Variants in AP2B1 observed in about 807,000 individuals in gnomAD.
The protein encoded by AP2B1 is adaptor related protein complex 2 subunit beta 1.
In AP2B1, 23 loss-of-function variants were observed where a neutral mutation model predicts 102.0. The observed-to-expected ratio is 0.23, with a 90% confidence interval of 0.16 to 0.32. The LOEUF (loss-of-function observed/expected upper bound fraction) is 0.32, where lower values mean the gene tolerates loss of function less well. AP2B1 is among the 10% of genes least tolerant of loss of function. AP2B1 has a pLI of 1.00. For synonymous variants in AP2B1, 381 were observed against 421.2 expected (o/e 0.90, Z 1.17); for missense variants, 541 against 1,157.4 (o/e 0.47, Z 7.73).
chr17:35,693,918 G>A (rs1049666745), intron 18 of AP2B1, among the ~76,000 whole-genome samples: 13 of 152,174 alleles, frequency 8.5e-5, no homozygotes, highest in African/African-American at 2.9e-4. Flanking sequence ...TTTTGTCCAC[G>A]TAAGGTTGTA....
In AP2B1 at chr17:35,627,444, A is replaced by G. The variant is rs373073122; in HGVS notation, c.998A>G (p.Tyr333Cys). The G allele has an allele frequency of 5.6e-6, 9 of 1,613,868 alleles. No individual in the cohort carries two copies. The highest frequency in any genetic ancestry group is 1.3e-5 in the African/African-American group (1 of 74,878). The change falls in exon 8 of 22, where the codon TAT becomes TGT. Residue 333 changes from tyrosine to cysteine, a missense_variant. Transcript: ENST00000610402. ...VFFVKYNDPI[Y>C]VKLEKLDIMI... Reference sequence around the variant, plus strand: ...TTTGTGAAGTACAATGATCCCATCTATGTTAAACTAGAGAAGTTGGACATC... The same window carrying G: ...TTTGTGAAGTACAATGATCCCATCTGTGTTAAACTAGAGAAGTTGGACATC...
chr17:35,642,122 C>T, intron 12 of AP2B1, 147 bp downstream of exon 12: 2 of 553,074 alleles, frequency 3.6e-6, no homozygotes, highest in Non-Finnish European at 6.5e-6. Context: ...AAAACAATGC[C>T]TTTTTACGTG....
intron 13 of AP2B1, among the ~76,000 whole-genome samples, chr17:35,654,722 A>C (rs935147121): frequency 1.3e-5 from 2 of 152,098 alleles, no homozygotes. Context: ...TCTCGTTTAG[A>C]GTTTATTTAA....
At position 35,627,495 on chromosome 17, in the gene AP2B1, A is replaced by T; in HGVS notation, c.1049A>T (p.Asn350Ile). The T allele has an allele frequency of 6.2e-7, 1 of 1,614,080 alleles. No individual in the cohort carries two copies. The highest frequency in any genetic ancestry group is 8.5e-7 in the Non-Finnish European group (1 of 1,180,006). ...DIMIRLASQA[N>I]IAQVLAELKE... ...ATGATTCGTTTGGCATCTCAAGCCA[A>T]CATTGCTCAGGTCAGACTTTATGCA... Residue 350 changes from asparagine (N) to isoleucine (I), a missense_variant, in exon 8 of 22, where the codon AAC becomes ATC. By Grantham distance (149) the Asn-to-Ile change is moderately radical. Around this residue, in one of 10 missense-constraint regions of AP2B1, gnomAD observed 134 missense variants for 250.2 expected, o/e 0.54. Transcript: ENST00000610402.
In AP2B1 at chr17:35,726,083, G is replaced by GGGATGGAGGTTGCCCTGCATCCCCCC. The variant is rs1555595241; in HGVS notation, c.*2385_*2410dup. ...CCAAGCTTGGCCAAATTGGGGAAGTGGGATGGAGGTTGCCCTGCATCCCCC... is the reference window on the plus strand; with the variant it reads ...CCAAGCTTGGCCAAATTGGGGAAGTGGGATGGAGGTTGCCCTGCATCCCCCCGGATGGAGGTTGCCCTGCATCCCCC... On this transcript the variant is annotated 3_prime_UTR_variant, in exon 22 of 22. Transcript: ENST00000610402. 2 of 152,182 alleles carry GGGATGGAGGTTGCCCTGCATCCCCCC rather than the reference G, an allele frequency of 1.3e-5. No individual in the cohort carries two copies. Among genetic ancestry groups the GGGATGGAGGTTGCCCTGCATCCCCCC allele is most frequent in the Non-Finnish European group, 2.9e-5 (2 of 68,054 alleles). The allele number at this position is 152,182 out of a possible 1,614,324, so 9.4% of individuals were successfully genotyped here. A position where few individuals can be genotyped will look rare whatever the true frequency, so the allele number is the denominator to read the frequency against.
chr17:35,640,239 T>A (rs200958337), intron 11 of AP2B1, among the ~76,000 whole-genome samples: 13 of 38,904 alleles, frequency 3.3e-4, no homozygotes, highest in African/African-American at 1.4e-3. Flanking sequence ...TTTTTTTTTT[T>A]TTTTTTTTTT....
At chr17:35,667,332 C>T (rs2142933304) in intron 14 of AP2B1, among the ~76,000 whole-genome samples, 1 of 152,274 alleles carries the variant, frequency 6.6e-6, no homozygotes, top group Middle Eastern at 3.4e-3. Context: ...TTGTCCTTTC[C>T]CTTTGCTCTC....
At chr17:35,643,812 C>T (rs1380801507) in intron 12 of AP2B1, among the ~76,000 whole-genome samples, 1 of 152,148 alleles carries the variant, frequency 6.6e-6, no homozygotes, top group Non-Finnish European at 1.5e-5. Flanking sequence ...AGAGTCATTA[C>T]TTACTTCATT....
chr17:35,709,378 C>A, intron 19 of AP2B1, 70 bp downstream of exon 19: 1 of 1,339,060 alleles, frequency 7.5e-7, no homozygotes, highest in Non-Finnish European at 1.1e-6. Flanking sequence ...CAGAGCATAG[C>A]CCCAGAAGTT....
chr17:35,664,070 C>T (rs1159410310), intron 14 of AP2B1, among the ~76,000 whole-genome samples: 1 of 151,986 alleles, frequency 6.6e-6, no homozygotes, highest in Non-Finnish European at 1.5e-5. Context: ...ATTTTATTTT[C>T]ATTTAAGTAA....
At chr17:35,650,496 C>T (rs373450956) in intron 12 of AP2B1, 34 bp from the exon 13 acceptor site, 173 of 1,604,538 alleles carry the variant, frequency 1.1e-4, no homozygotes, top group Non-Finnish European at 1.4e-4. Flanking sequence ...AGAACAGTTT[C>T]ATCTCCACCT....
chr17:35,687,282 A>G (rs953958216), intron 18 of AP2B1, among the ~76,000 whole-genome samples: 14 of 151,646 alleles, frequency 9.2e-5, no homozygotes, highest in African/African-American at 3.4e-4. Context: ...CAGCTAATTT[A>G]TATTTTTTAA....
rs558682110 is a variant in AP2B1 at position 35,601,955 on chromosome 17, T to G, written c.143+3620T>G. Among the ~76,000 whole-genome samples the G allele has an allele frequency of 2.6e-5, 4 of 152,276 alleles. No homozygotes were observed. In the East Asian group the frequency reaches 7.7e-4, roughly 29 times the overall value. On this transcript the variant is annotated intron_variant, in intron 3 of 21. Transcript: ENST00000610402. ...ACCACGCCCGGCTAATTTTGTATTT[T>G]TAGTAGAGATGGGGTTTCTGCATGT...
chr17:35,691,823 T>C (rs956007482), intron 18 of AP2B1, among the ~76,000 whole-genome samples: 2 of 152,228 alleles, frequency 1.3e-5, no homozygotes, highest in Non-Finnish European at 2.9e-5. Context: ...AATAGAAAAT[T>C]ACTTACTGTG....
intron 21 of AP2B1, among the ~76,000 whole-genome samples, chr17:35,721,856 CCTCTT>C (rs2085403204): frequency 6.6e-6 from 1 of 152,112 alleles, no homozygotes; most frequent in African/African-American, 2.4e-5. Context: ...TTTTTAGATT[CCTCTT>C]CTCTTCCATT....
chr17:35,658,501 A>C (rs996608067), intron 14 of AP2B1, among the ~76,000 whole-genome samples: 1 of 152,176 alleles, frequency 6.6e-6, no homozygotes, highest in African/African-American at 2.4e-5. Context: ...TACAAGATAA[A>C]TGAATTTTAA....
At chr17:35,714,761 G>T (rs1344654396) in intron 20 of AP2B1, among the ~76,000 whole-genome samples, 1 of 152,160 alleles carries the variant, frequency 6.6e-6, no homozygotes, top group African/African-American at 2.4e-5. Flanking sequence ...TATCTTGAAC[G>T]AAGGGTAACT....
At chr17:35,589,942 T>TC (rs1026106261) in intron 1 of AP2B1, among the ~76,000 whole-genome samples, 1 of 150,260 alleles carries the variant, frequency 6.7e-6, no homozygotes, top group Non-Finnish European at 1.5e-5. Flanking sequence ...TTTTTTTTTT[T>TC]TGAGACGGAG....
chr17:35,597,108 T>G lies in AP2B1; in HGVS notation c.38-1122T>G, dbSNP rs1490524607. ...CGCTCCGGGGCCACTGAGGCAGCAG[T>G]AGCGACCTCCGGAAGCGGAGACTGT... is the stretch of plus-strand genomic sequence containing the variant. On this transcript the variant is annotated intron_variant, in intron 2 of 21. Coordinates refer to ENST00000610402, the MANE Select transcript of AP2B1 (RefSeq NM_001030006.2). 5.7e-6 allele frequency: 3 copies of G among 526,718 alleles called. No individual in the cohort carries two copies. The African/African-American group carries it at 5.9e-5, about 10-fold the overall frequency. 32.6% of individuals were successfully genotyped at this position (526,718 alleles called of 1,614,324 possible). A position where few individuals can be genotyped will look rare whatever the true frequency, so the allele number is the denominator to read the frequency against.
Sources: allele counts gnomAD v4.1 joint callset (sites outside exome capture counted in the v4.1 genomes callset), GRCh38; gene constraint gnomAD v4.1.1; regional missense constraint gnomAD v4.1.1; transcripts MANE v1.5; gene names NCBI Gene and HGNC (gene_info 2026-07-23, HGNC 2026-07-21).